WIZ: variants seen among roughly 807,000 people sequenced by gnomAD.
WIZ encodes protein Wiz.
A neutral mutation model predicts 140.2 loss-of-function variants in WIZ; 25 were observed. The ratio of observed to expected loss-of-function variants is 0.18; its 90% confidence interval spans 0.13 to 0.25. WIZ has a LOEUF of 0.25. WIZ is among the 10% of genes least tolerant of loss of function. The pLI is 1.00. For missense variants in WIZ, 2,231 were observed against 2,632.6 expected (o/e 0.85, Z 3.34); for synonymous variants, 1,125 against 1,154.3 (o/e 0.97, Z 0.51).
rs955987492 is a variant in WIZ, at chr19:15,439,097, C to A, written c.1897G>T (p.Asp633Tyr). ...AAGACCCCATTTTCAGGGGAAAAAT[C>A]CATCTCGGAGGTCAGCACTACATCC... is the stretch of plus-strand genomic sequence containing the variant. ...EEDVVLTSEMDFSPENGVFSP... is the reference protein window; with the variant it reads ...EEDVVLTSEMYFSPENGVFSP... Residue 633 changes from aspartate to tyrosine, a missense_variant, in exon 4 of 13, where the codon GAT becomes TAT. Physicochemically the swap from Asp to Tyr is radical, Grantham distance 160. This residue lies in a region of WIZ where 475 missense variants were observed against 520.2 expected (regional missense o/e 0.91). Transcript: ENST00000673675. This position sits in a 1 kb window ranked among gnomAD's most constrained non-coding sequence, Gnocchi z 7.0. 9.4e-6 allele frequency: 14 copies of A among 1,486,594 alleles called. No individual in the cohort carries two copies. In the African/African-American group the frequency reaches 1.8e-4, roughly 19 times the overall value. The allele number at this position is 1,486,594 out of a possible 1,614,324, so 92.1% of individuals were successfully genotyped here.
intron 2 of WIZ, among the ~76,000 whole-genome samples, chr19:15,446,132 G>T (rs1969911354): frequency 1.3e-5 from 2 of 152,164 alleles, no homozygotes; most frequent in South Asian, 4.1e-4. Context: ...CTTCAAGGGT[G>T]GGCCTGGCCC....
chr19:15,430,321 A>C (rs1382385397), intron 6 of WIZ, among the ~76,000 whole-genome samples: 2 of 152,248 alleles, frequency 1.3e-5, no homozygotes, highest in Non-Finnish European at 2.9e-5. Flanking sequence ...CCAAGGGCAC[A>C]CAGCAGGAGA....
Position 15,428,053 on chromosome 19 carries a change from C to A in WIZ, c.3814+57G>T, listed in dbSNP as rs537198279. 205 of 1,517,790 alleles carry A rather than the reference C, an allele frequency of 1.4e-4. No homozygotes were observed. Among genetic ancestry groups the A allele is most frequent in the South Asian group, 3.8e-4 (31 of 81,438 alleles). The allele number at this position is 1,517,790 out of a possible 1,614,324, so 94.0% of individuals were successfully genotyped here. ...GCAGGGAGGGGGCTGTGACCCCCCC[C>A]CCGGGAGGGGCTCCAGGGCCCGCAG... On this transcript the variant is annotated intron_variant, in intron 8 of 12. Coordinates refer to ENST00000673675, the MANE Select transcript of WIZ (RefSeq NM_001371589.1). The surrounding 1 kb of genome is among the most constrained non-coding windows in gnomAD (Gnocchi z 6.4).
rs374144839 is a variant in WIZ at position 15,432,334 on chromosome 19, G to A, written c.2741-1152C>T. On this transcript the variant is annotated intron_variant, in intron 5 of 12. Coordinates refer to ENST00000673675, the MANE Select transcript of WIZ (RefSeq NM_001371589.1). ...ACAACTAAAGGGCCTGGGGGAGGGG[G>A]GGGTCCCGCAGACTGGACGGAAGGC... The A allele has an allele frequency of 1.3e-3, 833 of 634,076 alleles. 2 individuals carry two copies. In the African/African-American group the frequency reaches 0.016, roughly 12 times the overall value. The allele number at this position is 634,076 out of a possible 1,614,324, so 39.3% of individuals were successfully genotyped here.
chr19:15,427,103 C>T lies in WIZ; in HGVS notation c.4245G>A (p.Lys1415=). Residue 1415 remains lysine (K), a synonymous_variant, in exon 9 of 13, where the codon AAG becomes AAA. Coordinates refer to ENST00000673675, the MANE Select transcript of WIZ (RefSeq NM_001371589.1). This position sits in a 1 kb window ranked among gnomAD's most constrained non-coding sequence, Gnocchi z 6.4. ...TGATCTCCACCCGTATTTGTTCAGG[C>T]TTCAGCTTCTTGGGCAAGGAGGGTG... ...LAAPSLPKKL[K]PEQIRVEIKR... 1.2e-6 allele frequency: 2 copies of T among 1,614,236 alleles called. No individual in the cohort carries two copies. Among genetic ancestry groups the T allele is most frequent in the Non-Finnish European group, 1.7e-6 (2 of 1,180,032 alleles).
chr19:15,423,349 C>A, intron 12 of WIZ, 114 bp from the exon 13 acceptor site: 4 of 1,340,998 alleles, frequency 3.0e-6, no homozygotes, highest in Non-Finnish European at 4.0e-6. Context: ...CAGAGCCAGC[C>A]CAGGAGGCGG....
intron 2 of WIZ, among the ~76,000 whole-genome samples, chr19:15,447,774 A>G (rs1481251020): frequency 2.6e-5 from 4 of 152,122 alleles, no homozygotes; most frequent in African/African-American, 9.7e-5. Context: ...TACCTGTGGA[A>G]TAAGTGGGCT....
chr19:15,424,481 G>C lies in WIZ; in HGVS notation c.5315-103C>G. The stretch of plus-strand genomic sequence containing the variant: ...CTGATGCTACCTGGATGGGTGGGAT[G>C]GGGGATGGATGGGTGAATGGGTAAG... On this transcript the variant is annotated intron_variant, in intron 11 of 12. Coordinates refer to ENST00000673675, the MANE Select transcript of WIZ (RefSeq NM_001371589.1). The surrounding 1 kb of genome is among the most constrained non-coding windows in gnomAD (Gnocchi z 9.7). 2.0e-6 allele frequency: 3 copies of C among 1,529,394 alleles called. No homozygotes were observed. Among genetic ancestry groups the C allele is most frequent in the Non-Finnish European group, 1.8e-6 (2 of 1,132,470 alleles). 94.7% of individuals were successfully genotyped at this position (1,529,394 alleles called of 1,614,324 possible). A position where few individuals can be genotyped will look rare whatever the true frequency, so the allele number is the denominator to read the frequency against.
intron 1 of WIZ, among the ~76,000 whole-genome samples, chr19:15,448,929 G>A (rs1970013488): frequency 1.3e-5 from 2 of 151,948 alleles, no homozygotes; most frequent in African/African-American, 2.4e-5. Context: ...GGACCTTAGG[G>A]TTCTCCAGCA....
intron 2 of WIZ, among the ~76,000 whole-genome samples, chr19:15,445,843 C>A (rs1198759977): frequency 6.6e-6 from 1 of 152,036 alleles, no homozygotes; most frequent in Non-Finnish European, 1.5e-5. Context: ...TTGGAGGTGG[C>A]CACTCCAGTG....
In WIZ at chr19:15,427,230, G is replaced by A; in HGVS notation, c.4118C>T (p.Pro1373Leu). Residue 1373 changes from proline (P) to leucine (L), a missense_variant, in exon 9 of 13, where the codon CCC becomes CTC. Around this residue, in one of 15 missense-constraint regions of WIZ, gnomAD observed 393 missense variants for 451.7 expected, o/e 0.87. Transcript: ENST00000673675. The surrounding 1 kb of genome is among the most constrained non-coding windows in gnomAD (Gnocchi z 6.4). ...ARSPSDLHIS[P>L]LAKKLPPPPG... The stretch of plus-strand genomic sequence containing the variant: ...TGGTGGTGGCAACTTCTTGGCCAAG[G>A]GTGAGATGTGAAGGTCCGAGGGGCT... 1 of 1,614,084 alleles carries A rather than the reference G, an allele frequency of 6.2e-7. No homozygotes were observed. Among genetic ancestry groups the A allele is most frequent in the Non-Finnish European group, 8.5e-7 (1 of 1,180,028 alleles).
chr19:15,439,462 T>G lies in WIZ; in HGVS notation c.1532A>C (p.Gln511Pro). The change falls in exon 4 of 13, where the codon CAG becomes CCG. Residue 511 changes from glutamine (Q) to proline (P), a missense_variant. Physicochemically the swap from Gln to Pro is moderately conservative, Grantham distance 76 (BLOSUM62 -1). Around this residue, in one of 15 missense-constraint regions of WIZ, gnomAD observed 475 missense variants for 520.2 expected, o/e 0.91. Transcript: ENST00000673675. This position sits in a 1 kb window ranked among gnomAD's most constrained non-coding sequence, Gnocchi z 7.0. ...EDPASQPGTSQDAHACFPDTA... is the reference protein window; with the variant it reads ...EDPASQPGTSPDAHACFPDTA... Reference sequence around the variant, plus strand: ...GTCAGGGAAGCAGGCGTGAGCATCCTGGCTAGTGCCTGGCTGGCTGGCAGG... The same window carrying G: ...GTCAGGGAAGCAGGCGTGAGCATCCGGGCTAGTGCCTGGCTGGCTGGCAGG... 6.5e-7 allele frequency: 1 copy of G among 1,534,486 alleles called. No individual in the cohort carries two copies. Among genetic ancestry groups the G allele is most frequent in the South Asian group, 1.2e-5 (1 of 83,836 alleles).
chr19:15,425,074 G>C, intron 10 of WIZ, 42 bp from the exon 11 acceptor site: 1 of 1,519,012 alleles, frequency 6.6e-7, no homozygotes, highest in Non-Finnish European at 8.8e-7. Flanking sequence ...AGCCCAAAGG[G>C]GGCAGGTGCA....
chr19:15,426,994 G>T lies in WIZ; in HGVS notation c.4354C>A (p.Pro1452Thr). Residue 1452 changes from proline (P) to threonine (T), a missense_variant, in exon 9 of 13, where the codon CCC becomes ACC. Physicochemically the swap from Pro to Thr is conservative, Grantham distance 38. Transcript: ENST00000673675. Reference sequence around the variant, plus strand: ...GGGTCACACTTACACAGGTTCAGGGGTGTCATGTCTTCCCGTGGTGCCCCC... The same window carrying T: ...GGGTCACACTTACACAGGTTCAGGGTTGTCATGTCTTCCCGTGGTGCCCCC... ...PWGAPREDMT[P>T]LNLSSRAEPV... 2 of 1,612,656 alleles carry T rather than the reference G, an allele frequency of 1.2e-6. No homozygotes were observed. Among genetic ancestry groups the T allele is most frequent in the Non-Finnish European group, 1.7e-6 (2 of 1,179,192 alleles).
chr19:15,437,192 C>T, intron 4 of WIZ, 63 bp from the exon 5 acceptor site: 1 of 1,438,996 alleles, frequency 6.9e-7, no homozygotes, highest in Non-Finnish European at 9.3e-7. Context: ...CCCAACCCCT[C>T]CCCATATTCA....
At position 15,420,456 on chromosome 19, in the gene WIZ, T is replaced by C. The variant is rs919427562; in HGVS notation, c.*2620A>G. Reference sequence around the variant, plus strand: ...CATCAGCCTCAGGGATGCCTGCCTGTCTTCCAAACCAAGGCAGGGCCCCAG... The same window carrying C: ...CATCAGCCTCAGGGATGCCTGCCTGCCTTCCAAACCAAGGCAGGGCCCCAG... On this transcript the variant is annotated 3_prime_UTR_variant, in exon 13 of 13. Coordinates refer to ENST00000673675, the MANE Select transcript of WIZ (RefSeq NM_001371589.1). 1.3e-5 allele frequency: 2 copies of C among 152,220 alleles called. No individual in the cohort carries two copies. Among genetic ancestry groups the C allele is most frequent in the Non-Finnish European group, 2.9e-5 (2 of 68,030 alleles). 9.4% of individuals were successfully genotyped at this position (152,220 alleles called of 1,614,324 possible).
At position 15,427,451 on chromosome 19, in the gene WIZ, G is replaced by A. The variant is rs558510562; in HGVS notation, c.3897C>T (p.His1299=). 56 of 1,613,620 alleles carry A rather than the reference G, an allele frequency of 3.5e-5. 2 individuals carry two copies. The Admixed American group carries it at 6.3e-4, about 18-fold the overall frequency. ...FFENRKGLSS[H]ARSHLRQMGV... ...CCATTTGCCGCAGATGGGAGCGCGC[G>A]TGGCTCGAGAGGCCCTTGCGGTTCT... Residue 1299 remains histidine, a synonymous_variant, in exon 9 of 13, where the codon CAC becomes CAT. Coordinates refer to ENST00000673675, the MANE Select transcript of WIZ (RefSeq NM_001371589.1). The surrounding 1 kb of genome is among the most constrained non-coding windows in gnomAD (Gnocchi z 6.4).
chr19:15,422,969 G>T lies in WIZ; in HGVS notation c.*107C>A. ...CCAAGGGGCGCCGGTTTGAGGTTTT[G>T]GCTTGCTCCTTTGGAAACGGAAAGA... On this transcript the variant is annotated 3_prime_UTR_variant, in exon 13 of 13. Coordinates refer to ENST00000673675, the MANE Select transcript of WIZ (RefSeq NM_001371589.1). 4 of 1,494,210 alleles carry T rather than the reference G, an allele frequency of 2.7e-6. No individual in the cohort carries two copies. Among genetic ancestry groups the T allele is most frequent in the Non-Finnish European group, 3.6e-6 (4 of 1,120,056 alleles). 92.6% of individuals were successfully genotyped at this position (1,494,210 alleles called of 1,614,324 possible). A position where few individuals can be genotyped will look rare whatever the true frequency, so the allele number is the denominator to read the frequency against.
Position 15,423,970 on chromosome 19 carries a change from A to T in WIZ, c.5510+213T>A. On this transcript the variant is annotated intron_variant, in intron 12 of 12. Coordinates refer to ENST00000673675, the MANE Select transcript of WIZ (RefSeq NM_001371589.1). ...AGCAGGTAAGTCCTTCCCTGAGGTC[A>T]CTAAGCTGGTAAGTGGCAGAGTTGG... 1.0e-5 allele frequency: 5 copies of T among 481,270 alleles called. No homozygotes were observed. The East Asian group carries it at 1.8e-4, about 17-fold the overall frequency. 29.8% of individuals were successfully genotyped at this position (481,270 alleles called of 1,614,324 possible).
Sources: gnomAD v4.1 joint callset for allele counts (sites outside exome capture counted in the v4.1 genomes callset) on GRCh38, gnomAD v4.1.1 for gene constraint, gnomAD v4.1.1 regional missense constraint, Gnocchi (gnomAD v3.1) non-coding constraint, MANE v1.5 for transcripts, NCBI Gene and HGNC (gene_info 2026-07-23, HGNC 2026-07-21) for gene names.